NAALADL2: variants seen among roughly 807,000 people sequenced by gnomAD.
NAALADL2 encodes the protein N-acetylated alpha-linked acidic dipeptidase like 2.
A neutral mutation model predicts 87.2 loss-of-function variants in NAALADL2; 76 were observed. The observed-to-expected ratio is 0.87, with a 90% CI of 0.72 to 1.05. The LOEUF (loss-of-function observed/expected upper bound fraction) is 1.05. Among genes scored for constraint, NAALADL2 ranks in the 50% least tolerant of loss-of-function variants. NAALADL2 has a pLI of 0.00. For synonymous variants in NAALADL2, 354 were observed against 331.0 expected, an observed-to-expected ratio of 1.07 and a Z score of -0.75; for missense variants, 1,089 against 945.8, an observed-to-expected ratio of 1.15 and a Z score of -1.99.
chr3:174,728,373 G>T (rs980150516), intron 2 of NAALADL2, among the ~76,000 whole-genome samples: 4 of 152,052 alleles, frequency 2.6e-5, no homozygotes, highest in Non-Finnish European at 5.9e-5. Context: ...GGCACTGATA[G>T]TTGGAAGGAA....
At chr3:175,476,988 G>A (rs1048971062) in intron 9 of NAALADL2, among the ~76,000 whole-genome samples, 38 of 152,052 alleles carry the variant, frequency 2.5e-4, no homozygotes, top group African/African-American at 8.7e-4. Context: ...TCTTGGATAA[G>A]TCAATAGATA....
chr3:174,878,320 A>G (rs985507016), intron 1 of NAALADL2, among the ~76,000 whole-genome samples: 13 of 151,982 alleles, frequency 8.6e-5, no homozygotes, highest in Non-Finnish European at 1.9e-4. Flanking sequence ...TTTTTTTCTG[A>G]GCAATTTTTT....
At chr3:174,798,696 TA>T (rs1437100730) in intron 3 of NAALADL2, among the ~76,000 whole-genome samples, 2 of 152,080 alleles carry the variant, frequency 1.3e-5, no homozygotes, top group African/African-American at 2.4e-5. Flanking sequence ...TGAATTTTTT[TA>T]AATTTCATTT....
intron 3 of NAALADL2, among the ~76,000 whole-genome samples, chr3:174,758,153 TCCTGGCTCC>T (rs1415872299): frequency 1.3e-5 from 2 of 152,206 alleles, no homozygotes; most frequent in African/African-American, 4.8e-5. Flanking sequence ...AAGACCCCTG[TCCTGGCTCC>T]CTTTGGTACT....
At chr3:174,782,251 G>T (rs147419649) in intron 3 of NAALADL2, among the ~76,000 whole-genome samples, 11 of 151,944 alleles carry the variant, frequency 7.2e-5, no homozygotes, top group African/African-American at 2.7e-4. Context: ...AAAGGTGTTC[G>T]CCCAGTGAAA....
chr3:174,986,918 T>C (rs1745952475), intron 1 of NAALADL2, among the ~76,000 whole-genome samples: 1 of 152,168 alleles, frequency 6.6e-6, no homozygotes, highest in African/African-American at 2.4e-5. Flanking sequence ...ATACATTTTG[T>C]GCTTTCTGAT....
chr3:175,412,436 T>C (rs1713711401), intron 5 of NAALADL2, among the ~76,000 whole-genome samples: 1 of 152,188 alleles, frequency 6.6e-6, no homozygotes, highest in South Asian at 2.1e-4. Context: ...GGGAAAAAAT[T>C]AGTATTCGGA....
chr3:175,037,401 A>G (rs989068403), intron 1 of NAALADL2, among the ~76,000 whole-genome samples: 40 of 152,294 alleles, frequency 2.6e-4, no homozygotes, highest in African/African-American at 9.1e-4. Context: ...TTGCCTCATG[A>G]CAACACCCCT....
At chr3:175,080,206 C>T (rs1311883187) in intron 1 of NAALADL2, among the ~76,000 whole-genome samples, 2 of 152,158 alleles carry the variant, frequency 1.3e-5, no homozygotes, top group Non-Finnish European at 2.9e-5. Flanking sequence ...ACCTCGTGAT[C>T]CACGCACCTC....
intron 3 of NAALADL2, among the ~76,000 whole-genome samples, chr3:174,786,274 C>T (rs1393290447): frequency 6.6e-6 from 1 of 151,702 alleles, no homozygotes; most frequent in Non-Finnish European, 1.5e-5. Context: ...CACAGTGAAA[C>T]CCCATCTGTA....
chr3:175,057,980 A>G (rs1479115898), intron 1 of NAALADL2, among the ~76,000 whole-genome samples: 1 of 152,218 alleles, frequency 6.6e-6, no homozygotes, highest in East Asian at 1.9e-4. Flanking sequence ...AAATTACTCT[A>G]TGTACCATAA....
At chr3:175,747,000 A>G (rs933964203) in intron 12 of NAALADL2, among the ~76,000 whole-genome samples, 3 of 152,176 alleles carry the variant, frequency 2.0e-5, no homozygotes, top group Non-Finnish European at 4.4e-5. Context: ...ATCAAATGCA[A>G]TGTAAATGCT....
chr3:175,617,036 A>G (rs1446907911), intron 10 of NAALADL2, among the ~76,000 whole-genome samples: 1 of 152,184 alleles, frequency 6.6e-6, no homozygotes, highest in East Asian at 1.9e-4. Flanking sequence ...TAGTTCCCAT[A>G]GGAACTAAAA....
At chr3:175,059,781 CA>C in intron 1 of NAALADL2, 1 of 306,642 alleles carries the variant, frequency 3.3e-6, no homozygotes, top group Admixed American at 3.8e-5. Flanking sequence ...GTGTCTTCTA[CA>C]TTAGCAGCAC....
chr3:174,988,781 C>A (rs1746321710), intron 1 of NAALADL2, among the ~76,000 whole-genome samples: 1 of 152,178 alleles, frequency 6.6e-6, no homozygotes, highest in Admixed American at 6.5e-5. Flanking sequence ...TAGGAACTGA[C>A]CTTTTTGCAG....
At chr3:174,784,612 G>A (rs1578914683) in intron 3 of NAALADL2, among the ~76,000 whole-genome samples, 2 of 152,312 alleles carry the variant, frequency 1.3e-5, no homozygotes, top group Admixed American at 1.3e-4. Flanking sequence ...CATCAACATT[G>A]AAGTCGTTGA....
intron 2 of NAALADL2, among the ~76,000 whole-genome samples, chr3:175,181,761 A>ATATATGTG (rs1736577284): frequency 4.5e-5 from 6 of 133,098 alleles, no homozygotes; most frequent in Admixed American, 3.9e-4. Flanking sequence ...ATATGTGTGT[A>ATATATGTG]TATATGTGTG....
chr3:175,034,453 C>A (rs771763649), intron 1 of NAALADL2, among the ~76,000 whole-genome samples: 28 of 152,088 alleles, frequency 1.8e-4, no homozygotes, highest in Non-Finnish European at 3.2e-4. Flanking sequence ...CTGTTATCAT[C>A]TCAAATTAGA....
At chr3:174,853,376 C>CA (rs55826352) in intron 3 of NAALADL2, among the ~76,000 whole-genome samples, 25,584 of 82,210 alleles carry the variant, frequency 0.31, 3,604 homozygotes, top group East Asian at 0.42. Flanking sequence ...GACTCAATCT[C>CA]AAAAAAAAAA....
Sources: allele counts gnomAD v4.1 joint callset (sites outside exome capture counted in the v4.1 genomes callset), GRCh38; gene constraint gnomAD v4.1.1; transcripts MANE v1.5; gene names NCBI Gene and HGNC (gene_info 2026-07-23, HGNC 2026-07-21).